ZFPM2: variants seen among roughly 807,000 people sequenced by gnomAD.
ZFPM2 encodes the protein zinc finger protein, FOG family member 2.
Under a neutral mutation model 98.6 loss-of-function variants are expected in ZFPM2, and 20 were observed. That is an observed-to-expected ratio of 0.20 (90% CI 0.14 to 0.29). The LOEUF (loss-of-function observed/expected upper bound fraction) is 0.29, where lower values mean the gene tolerates loss of function less well. Among genes scored for constraint, ZFPM2 ranks in the 10% least tolerant of loss-of-function variants. The pLI, the probability that ZFPM2 is intolerant of heterozygous loss-of-function variation, is 1.00. For missense variants in ZFPM2, 1,310 were observed against 1,388.6 expected, an observed-to-expected ratio of 0.94 and a Z score of 0.90; for synonymous variants, 518 against 502.7, an observed-to-expected ratio of 1.03 and a Z score of -0.41.
intron 4 of ZFPM2, among the ~76,000 whole-genome samples, chr8:105,606,570 G>A (rs141224278): frequency 2.0e-5 from 3 of 152,108 alleles, no homozygotes; most frequent in East Asian, 1.9e-4. Flanking sequence ...AATAGGTTAT[G>A]TATGGAAATT....
chr8:105,528,286 C>G (rs1333521292), intron 3 of ZFPM2, among the ~76,000 whole-genome samples: 1 of 152,064 alleles, frequency 6.6e-6, no homozygotes, highest in Non-Finnish European at 1.5e-5. Context: ...AGAAAACTTA[C>G]AGGATATCAT....
chr8:105,420,975 T>G (rs1383467459), intron 2 of ZFPM2, among the ~76,000 whole-genome samples: 4 of 152,104 alleles, frequency 2.6e-5, no homozygotes, highest in Non-Finnish European at 5.9e-5. Flanking sequence ...AGGGCTATGT[T>G]TAATGAAAGA....
chr8:105,652,463 A>T, intron 5 of ZFPM2, among the ~76,000 whole-genome samples: 1 of 151,420 alleles, frequency 6.6e-6, no homozygotes, highest in Non-Finnish European at 1.5e-5. Flanking sequence ...ATTCCAATCA[A>T]GGAAATGGAT....
intron 3 of ZFPM2, among the ~76,000 whole-genome samples, chr8:105,496,071 T>C (rs533106048): frequency 6.6e-6 from 1 of 152,312 alleles, no homozygotes; most frequent in South Asian, 2.1e-4. Flanking sequence ...TTATTCAGAT[T>C]TCTGAATTTT....
intron 3 of ZFPM2, among the ~76,000 whole-genome samples, chr8:105,534,094 C>T (rs1208945718): frequency 2.0e-5 from 1 of 49,014 alleles, no homozygotes; most frequent in Non-Finnish European, 3.9e-5. Context: ...TTCCTCCCTC[C>T]CTCCCTTCCT....
chr8:105,571,375 C>T (rs1815351339), intron 4 of ZFPM2, among the ~76,000 whole-genome samples: 1 of 152,186 alleles, frequency 6.6e-6, no homozygotes, highest in Admixed American at 6.5e-5. Context: ...GTTTGTAAAG[C>T]ATAACTATTG....
intron 1 of ZFPM2, among the ~76,000 whole-genome samples, chr8:105,351,383 T>TG (rs1341418183): frequency 0.015 from 1,113 of 74,598 alleles, 18 homozygotes; most frequent in African/African-American, 0.039. Flanking sequence ...GTGTGTGTGT[T>TG]TGTGTGTGTG....
intron 3 of ZFPM2, among the ~76,000 whole-genome samples, chr8:105,526,421 G>A (rs559250177): frequency 6.6e-6 from 1 of 152,254 alleles, no homozygotes; most frequent in South Asian, 2.1e-4. Flanking sequence ...TTAGACACAG[G>A]TAAGTGCTCA....
chr8:105,720,204 T>G (rs542309848), intron 5 of ZFPM2, among the ~76,000 whole-genome samples: 3 of 151,998 alleles, frequency 2.0e-5, no homozygotes, highest in East Asian at 3.9e-4. Flanking sequence ...AATAATGCAA[T>G]TTATTATTCA....
intron 3 of ZFPM2, among the ~76,000 whole-genome samples, chr8:105,454,173 C>T (rs1335249334): frequency 6.6e-6 from 1 of 151,312 alleles, no homozygotes; most frequent in Non-Finnish European, 1.5e-5. Flanking sequence ...TCCCCCTACA[C>T]TCACCCCCCA....
intron 4 of ZFPM2, among the ~76,000 whole-genome samples, chr8:105,612,237 A>T (rs1816322278): frequency 6.6e-6 from 1 of 152,174 alleles, no homozygotes; most frequent in Non-Finnish European, 1.5e-5. Context: ...TCTTAAATAA[A>T]CTAGAATATT....
chr8:105,380,807 A>ATATAT (rs1554599686), intron 1 of ZFPM2, among the ~76,000 whole-genome samples: 2 of 4,838 alleles, frequency 4.1e-4, no homozygotes, highest in African/African-American at 1.3e-3. Context: ...TATATGTTAT[A>ATATAT]TATAATATAT....
intron 4 of ZFPM2, among the ~76,000 whole-genome samples, chr8:105,567,063 G>C (rs1022375136): frequency 1.3e-5 from 2 of 152,090 alleles, no homozygotes; most frequent in Non-Finnish European, 2.9e-5. Context: ...AGAAGTTCCT[G>C]ATCTACCTGC....
At chr8:105,452,752 AAACAAC>A (rs988122119) in intron 3 of ZFPM2, among the ~76,000 whole-genome samples, 1 of 151,962 alleles carries the variant, frequency 6.6e-6, no homozygotes, top group African/African-American at 2.4e-5. Flanking sequence ...ACCCTGTCTC[AAACAAC>A]AACAACAACA....
intron 1 of ZFPM2, among the ~76,000 whole-genome samples, chr8:105,392,847 T>G (rs2129940626): frequency 6.6e-6 from 1 of 152,322 alleles, no homozygotes; most frequent in South Asian, 2.1e-4. Context: ...TATTAAATTT[T>G]ATCTTTTTGC....
intron 3 of ZFPM2, among the ~76,000 whole-genome samples, chr8:105,547,941 A>C (rs1340751097): frequency 6.6e-6 from 1 of 152,280 alleles, no homozygotes; most frequent in South Asian, 2.1e-4. Context: ...ATTCTGATAT[A>C]TAGTCATGAA....
chr8:105,745,131 A>G (rs540036948), intron 5 of ZFPM2, among the ~76,000 whole-genome samples: 12 of 152,154 alleles, frequency 7.9e-5, no homozygotes, highest in Non-Finnish European at 1.5e-4. Flanking sequence ...GGATAACCCT[A>G]TGCAAACTGT....
intron 4 of ZFPM2, among the ~76,000 whole-genome samples, chr8:105,562,789 G>T (rs1218731169): frequency 6.6e-6 from 1 of 152,078 alleles, no homozygotes; most frequent in African/African-American, 2.4e-5. Flanking sequence ...CTATTTTAAG[G>T]TCAGCTGATT....
chr8:105,700,658 T>C (rs554687516), intron 5 of ZFPM2, among the ~76,000 whole-genome samples: 1 of 152,126 alleles, frequency 6.6e-6, no homozygotes, highest in Non-Finnish European at 1.5e-5. Context: ...TGCAGTAGCA[T>C]GATCTCCACT....
Sources: gnomAD v4.1 joint callset for allele counts (sites outside exome capture counted in the v4.1 genomes callset) on GRCh38, gnomAD v4.1.1 for gene constraint, MANE v1.5 for transcripts, NCBI Gene and HGNC (gene_info 2026-07-23, HGNC 2026-07-21) for gene names.